Variants in RBFOX1 observed in about 807,000 individuals in gnomAD.
RBFOX1 encodes the protein RNA binding protein fox-1 homolog 1.
RBFOX1 carries 8 observed loss-of-function variants against 57.7 expected under a neutral mutation model. That is an observed-to-expected ratio of 0.14 (90% CI 0.08 to 0.25). The LOEUF is 0.25. Among genes scored for constraint, RBFOX1 ranks in the 10% least tolerant of loss-of-function variants. The pLI is 1.00. For missense variants in RBFOX1, 611 were observed against 548.5 expected, an observed-to-expected ratio of 1.11 and a Z score of -1.14; for synonymous variants, 326 against 222.4, an observed-to-expected ratio of 1.47 and a Z score of -4.15.
At chr16:5,543,662 T>C (rs548261547) in intron 2 of RBFOX1, among the ~76,000 whole-genome samples, 33 of 152,026 alleles carry the variant, frequency 2.2e-4, no homozygotes, top group Non-Finnish European at 4.3e-4. Flanking sequence ...TTCATGAAAA[T>C]CACAAACCCA....
At chr16:7,590,864 A>G (rs1367954498) in intron 7 of RBFOX1, among the ~76,000 whole-genome samples, 2 of 4,006 alleles carry the variant, frequency 5.0e-4, no homozygotes, top group African/African-American at 5.6e-3. Flanking sequence ...TGTCTCTAAG[A>G]AAAAAAAAAA....
intron 1 of RBFOX1, among the ~76,000 whole-genome samples, chr16:5,263,643 A>G (rs866969369): frequency 2.6e-5 from 4 of 152,100 alleles, no homozygotes; most frequent in African/African-American, 9.7e-5. Flanking sequence ...AGTTTGGGAA[A>G]GGAGAAGGAT....
intron 3 of RBFOX1, among the ~76,000 whole-genome samples, chr16:6,746,882 T>A (rs1199461479): frequency 1.3e-5 from 2 of 152,134 alleles, no homozygotes; most frequent in East Asian, 3.9e-4. Flanking sequence ...GTCCAGTTCA[T>A]AGAAACTCCA....
intron 2 of RBFOX1, among the ~76,000 whole-genome samples, chr16:5,513,126 G>T (rs1305041633): frequency 2.0e-5 from 3 of 152,118 alleles, no homozygotes; most frequent in Non-Finnish European, 4.4e-5. Flanking sequence ...TGCTGTCCAG[G>T]CTGGTCTTGA....
At chr16:6,482,757 G>C (rs2095392051) in intron 2 of RBFOX1, among the ~76,000 whole-genome samples, 1 of 152,172 alleles carries the variant, frequency 6.6e-6, no homozygotes, top group Non-Finnish European at 1.5e-5. Context: ...GGCGAGATTG[G>C]GGGCGCGGTG....
At chr16:5,305,708 T>G (rs2063916132) in intron 1 of RBFOX1, among the ~76,000 whole-genome samples, 1 of 152,136 alleles carries the variant, frequency 6.6e-6, no homozygotes, top group Non-Finnish European at 1.5e-5. Context: ...GATGGACACT[T>G]CTGGGTGGTG....
At chr16:5,933,269 T>G (rs2059103748) in intron 4 of RBFOX1, among the ~76,000 whole-genome samples, 1 of 152,226 alleles carries the variant, frequency 6.6e-6, no homozygotes, top group Non-Finnish European at 1.5e-5. Context: ...AGGCTCTTGT[T>G]ATTTAGAAAA....
chr16:6,727,050 A>AAC lies in RBFOX1; in HGVS notation c.-16+72414_-16+72415dup, dbSNP rs71408406. Among the ~76,000 whole-genome samples the AAC allele has an allele frequency of 1.3e-3, 172 of 135,870 alleles. 1 individual carries two copies. The highest frequency in any genetic ancestry group is 4.3e-3 in the African/African-American group (156 of 36,698). The allele number at this position is 135,870 out of a possible 152,430, so 89.1% of individuals were successfully genotyped here. A position where few individuals can be genotyped will look rare whatever the true frequency, so the allele number is the denominator to read the frequency against. Reference sequence around the variant, plus strand: ...TCATGACCTTCAGGTATTTGGACTGAACACACACACACACAGACACAGAGA... The same window carrying AAC: ...TCATGACCTTCAGGTATTTGGACTGAACACACACACACACACAGACACAGAGA... On this transcript the variant is annotated intron_variant, in intron 3 of 15. Transcript: ENST00000550418.
At chr16:7,127,347 G>A (rs75888516) in intron 4 of RBFOX1, among the ~76,000 whole-genome samples, 3 of 152,182 alleles carry the variant, frequency 2.0e-5, no homozygotes, top group South Asian at 4.1e-4. Context: ...ACAATCTCAG[G>A]TCTGGTTATA....
chr16:6,316,637 G>A (rs2081154784), intron 1 of RBFOX1, among the ~76,000 whole-genome samples: 1 of 152,176 alleles, frequency 6.6e-6, no homozygotes, highest in Admixed American at 6.6e-5. Flanking sequence ...CATGGTGTAA[G>A]AGAAGAATAC....
intron 3 of RBFOX1, among the ~76,000 whole-genome samples, chr16:6,910,770 C>CATCA (rs2153431612): frequency 6.6e-6 from 1 of 152,318 alleles, no homozygotes; most frequent in East Asian, 1.9e-4. Flanking sequence ...ACAGCAAAAC[C>CATCA]ATCAGATCCT....
At chr16:6,271,501 T>C (rs182930512) in intron 1 of RBFOX1, among the ~76,000 whole-genome samples, 287 of 152,060 alleles carry the variant, frequency 1.9e-3, no homozygotes, top group African/African-American at 6.4e-3. Context: ...AGTAAAACAA[T>C]AGAGGAAAAT....
chr16:6,303,716 C>A (rs1254589311), intron 1 of RBFOX1, among the ~76,000 whole-genome samples: 1 of 151,480 alleles, frequency 6.6e-6, no homozygotes, highest in Non-Finnish European at 1.5e-5. Flanking sequence ...TGGCTCATGC[C>A]TGTAATCCCA....
At chr16:6,235,233 A>T (rs537694817) in intron 1 of RBFOX1, among the ~76,000 whole-genome samples, 1 of 152,072 alleles carries the variant, frequency 6.6e-6, no homozygotes, top group South Asian at 2.1e-4. Context: ...CCCTTCTTCC[A>T]TGTGGTCATT....
chr16:6,942,197 C>G (rs1372836150), intron 3 of RBFOX1, among the ~76,000 whole-genome samples: 1 of 152,110 alleles, frequency 6.6e-6, no homozygotes, highest in Non-Finnish European at 1.5e-5. Flanking sequence ...CAAGATGGCA[C>G]CACTGTGCTC....
chr16:5,656,213 T>G (rs2049425542), intron 3 of RBFOX1, among the ~76,000 whole-genome samples: 1 of 152,210 alleles, frequency 6.6e-6, no homozygotes, highest in Non-Finnish European at 1.5e-5. Context: ...TCCTATAGTT[T>G]TGAGTTTCTT....
intron 4 of RBFOX1, among the ~76,000 whole-genome samples, chr16:7,393,214 G>A (rs569644546): frequency 1.3e-5 from 2 of 152,192 alleles, no homozygotes; most frequent in South Asian, 2.1e-4. Flanking sequence ...ATAGTCAATG[G>A]TTCTGAGATC....
rs115892209 is a variant in RBFOX1, at chr16:5,357,104, A to G, written c.220-110112A>G. Among the ~76,000 whole-genome samples the G allele has an allele frequency of 5.8e-3, 888 of 152,258 alleles. 9 individuals are homozygous for G. The highest frequency in any genetic ancestry group is 0.021 in the African/African-American group (855 of 41,530). ...AGTGGTGCTGCTCTTAACTGGCAAAATGTGTAATCTCATGAGCATTTGTTG... is the reference window on the plus strand; with the variant it reads ...AGTGGTGCTGCTCTTAACTGGCAAAGTGTGTAATCTCATGAGCATTTGTTG... On this transcript the variant is annotated intron_variant, in intron 1 of 2. Coordinates refer to the RBFOX1 transcript ENST00000585867.
intron 2 of RBFOX1, among the ~76,000 whole-genome samples, chr16:6,606,732 C>T: frequency 6.6e-6 from 1 of 152,008 alleles, no homozygotes; most frequent in East Asian, 1.9e-4. Flanking sequence ...GCATATGTAC[C>T]ACGTTTTCTT....
Sources: gnomAD v4.1 joint callset for allele counts (sites outside exome capture counted in the v4.1 genomes callset) on GRCh38, gnomAD v4.1.1 for gene constraint, MANE v1.5 for transcripts, NCBI Gene and HGNC (gene_info 2026-07-23, HGNC 2026-07-21) for gene names.